The following TOM1 variants were observed in gnomAD, a reference collection of about 807,000 sequenced individuals.
TOM1 encodes the protein target of myb1 membrane trafficking protein.
Under a neutral mutation model 61.3 loss-of-function variants are expected in TOM1, and 38 were observed. That is an observed-to-expected ratio of 0.62 (90% confidence interval 0.48 to 0.81). The LOEUF (loss-of-function observed/expected upper bound fraction) is 0.81. TOM1 is among the 40% of genes least tolerant of loss of function. TOM1 has a pLI of 0.00. For missense variants in TOM1, 591 were observed against 659.6 expected, an observed-to-expected ratio of 0.90 and a Z score of 1.14; for synonymous variants, 270 against 268.8, an observed-to-expected ratio of 1.00 and a Z score of -0.04.
chr22:35,326,197 C>T (rs1343938246), intron 6 of TOM1, among the ~76,000 whole-genome samples: 1 of 152,182 alleles, frequency 6.6e-6, no homozygotes, highest in Non-Finnish European at 1.5e-5. Flanking sequence ...TATAGTGACA[C>T]TCTGAAATCA....
intron 1 of TOM1, among the ~76,000 whole-genome samples, chr22:35,304,774 G>A (rs138750): frequency 0.51 from 77,988 of 151,940 alleles, 22,814 homozygotes; most frequent in Non-Finnish European, 0.65. Context: ...CACTGCACCC[G>A]GCCTACTGGC....
At chr22:35,322,952 G>T (rs778540391) in intron 3 of TOM1, 76 bp from the exon 4 acceptor site, 2 of 1,559,530 alleles carry the variant, frequency 1.3e-6, no homozygotes, top group East Asian at 2.3e-5. Flanking sequence ...GACACAGGAG[G>T]AGCCACGAGG....
intron 2 of TOM1, among the ~76,000 whole-genome samples, chr22:35,321,510 C>T (rs749080184): frequency 1.3e-5 from 2 of 151,962 alleles, no homozygotes; most frequent in East Asian, 1.9e-4. Context: ...GCGATTCTCC[C>T]GCCTCAACCT....
In TOM1 at chr22:35,323,062, G is replaced by A. The variant is rs11558473; in HGVS notation, c.251G>A (p.Arg84His). ...ACCTGTGTCAAGAACTGCGGGCACC[G>A]CTTCCACGTGCTGGTGGCCAGCCAG... Reference protein sequence around the residue: ...LETCVKNCGHRFHVLVASQDF... With the variant: ...LETCVKNCGHHFHVLVASQDF... The change falls in exon 4 of 15, where the codon CGC (arginine) becomes CAC (histidine). Residue 84 changes from arginine (R) to histidine (H), a missense_variant. Coordinates refer to ENST00000449058, the MANE Select transcript of TOM1 (RefSeq NM_005488.3). This position sits in a 1 kb window ranked among gnomAD's most constrained non-coding sequence, Gnocchi z 4.2. The A allele has an allele frequency of 4.0e-5, 65 of 1,614,018 alleles. No homozygotes were observed. The highest frequency in any genetic ancestry group is 1.6e-4 in the Middle Eastern group (1 of 6,084).
At chr22:35,316,874 G>A (rs1489957818) in intron 1 of TOM1, among the ~76,000 whole-genome samples, 1 of 152,176 alleles carries the variant, frequency 6.6e-6, no homozygotes, top group Admixed American at 6.5e-5. Flanking sequence ...ATACCTTACT[G>A]TGCTGGTACC....
At chr22:35,300,193 A>T (rs558761269) in intron 1 of TOM1, among the ~76,000 whole-genome samples, 1 of 152,252 alleles carries the variant, frequency 6.6e-6, no homozygotes, top group Non-Finnish European at 1.5e-5. Context: ...GATGTATATG[A>T]CAGCCAGTAG....
chr22:35,310,216 T>C (rs1412424764), intron 1 of TOM1, among the ~76,000 whole-genome samples: 5 of 151,960 alleles, frequency 3.3e-5, no homozygotes, highest in Non-Finnish European at 7.4e-5. Context: ...TGGTCACAGG[T>C]CCTGAGGATG....
intron 12 of TOM1, among the ~76,000 whole-genome samples, chr22:35,339,965 T>G (rs1354369887): frequency 6.6e-6 from 1 of 152,072 alleles, no homozygotes; most frequent in East Asian, 1.9e-4. Flanking sequence ...GCTCTTTGAA[T>G]TCCGTTTAGT....
rs186173614 is a variant in TOM1 at position 35,305,967 on chromosome 22, C to T, written c.52+5987C>T. ...GCCAGATAGTAAATACTTGTGGCTT[C>T]GTGAACCAGATGGTCTCTGCTGCAA... On this transcript the variant is annotated intron_variant, in intron 1 of 14. Transcript: ENST00000449058. Among the ~76,000 whole-genome samples, 9 of 152,210 alleles carry T rather than the reference C, an allele frequency of 5.9e-5. No homozygotes were observed. In the East Asian group the frequency reaches 1.4e-3, roughly 23 times the overall value.
At chr22:35,301,033 G>C (rs1381654490) in intron 1 of TOM1, among the ~76,000 whole-genome samples, 2 of 140,398 alleles carry the variant, frequency 1.4e-5, no homozygotes, top group African/African-American at 5.5e-5. Flanking sequence ...GCAACATGGC[G>C]AGACCCCGTC....
In TOM1 at chr22:35,323,213, G is replaced by C. The variant is rs369720490; in HGVS notation, c.366+36G>C. 9 of 1,608,614 alleles carry C rather than the reference G, an allele frequency of 5.6e-6. No individual in the cohort carries two copies. The highest frequency in any genetic ancestry group is 7.6e-6 in the Non-Finnish European group (9 of 1,179,410). The stretch of plus-strand genomic sequence containing the variant: ...GGACAGGGCAGGGCACGGCCAGGAA[G>C]AGCTGTCAGTGCAGGAGCTTCCTGC... On this transcript the variant is annotated intron_variant, in intron 4 of 14. Transcript: ENST00000449058. The surrounding 1 kb of genome is among the most constrained non-coding windows in gnomAD (Gnocchi z 4.2).
chr22:35,313,509 A>G (rs1014491537), intron 1 of TOM1, among the ~76,000 whole-genome samples: 1 of 152,140 alleles, frequency 6.6e-6, no homozygotes, highest in Non-Finnish European at 1.5e-5. Flanking sequence ...TGTCATACTG[A>G]CATTGTCTGG....
In TOM1 at chr22:35,330,480, G is replaced by C; in HGVS notation, c.899G>C (p.Arg300Pro). The change falls in exon 8 of 15, where the codon CGG becomes CCG. Residue 300 changes from arginine to proline, a missense_variant and splice_region_variant. Coordinates refer to ENST00000449058, the MANE Select transcript of TOM1 (RefSeq NM_005488.3). ...NLNNVFLRHE[R>P]FERFRTGQTT... ...AACAATGTGTTCCTGCGCCATGAACGGTAGCCCCAGCACCTCCCCTGGCCT... is the reference window on the plus strand; with the variant it reads ...AACAATGTGTTCCTGCGCCATGAACCGTAGCCCCAGCACCTCCCCTGGCCT... 1 of 1,609,240 alleles carries C rather than the reference G, an allele frequency of 6.2e-7. No homozygotes were observed. Among genetic ancestry groups the C allele is most frequent in the Non-Finnish European group, 8.5e-7 (1 of 1,177,582 alleles).
rs746325920 is a variant in TOM1, at chr22:35,327,326, C to T, written c.704C>T (p.Ser235Leu). ...GTGAGTGGGAACGTGAGGGTGATGT[C>T]GGAGATGCTGACGGAGCTGGTGCCC... ...EMVSGNVRVM[S>L]EMLTELVPTQ... The change falls in exon 7 of 15, where the codon TCG becomes TTG. Residue 235 changes from serine to leucine, a missense_variant. Transcript: ENST00000449058. 1.8e-5 allele frequency: 29 copies of T among 1,613,852 alleles called. No individual in the cohort carries two copies. Among genetic ancestry groups the T allele is most frequent in the East Asian group, 6.7e-5 (3 of 44,892 alleles).
At chr22:35,342,750 T>TAC (rs1017099633) in intron 12 of TOM1, among the ~76,000 whole-genome samples, 27 of 143,650 alleles carry the variant, frequency 1.9e-4, no homozygotes, top group African/African-American at 6.5e-4. Context: ...CCCATAGACC[T>TAC]ACACACACAC....
rs1431759133 is a variant in TOM1, at chr22:35,333,410, A to G, written c.940A>G (p.Ser314Gly). The G allele has an allele frequency of 2.5e-6, 4 of 1,613,916 alleles. No individual in the cohort carries two copies. Among genetic ancestry groups the G allele is most frequent in the Non-Finnish European group, 2.5e-6 (3 of 1,179,918 alleles). ...GCATCTCCCTTCCCACCAGGCCCCA[A>G]GTGAGGCCGAGCCGGCAGCTGACCT... ...FRTGQTTKAP[S>G]EAEPAADLID... The change falls in exon 10 of 15, where the codon AGT becomes GGT. Residue 314 changes from serine to glycine, a missense_variant. Ser to Gly is a moderately conservative substitution (Grantham distance 56). Coordinates refer to ENST00000449058, the MANE Select transcript of TOM1 (RefSeq NM_005488.3).
At chr22:35,343,714 C>CCACA (rs201859071) in intron 12 of TOM1, among the ~76,000 whole-genome samples, 1 of 145,530 alleles carries the variant, frequency 6.9e-6, no homozygotes, top group African/African-American at 2.6e-5. Context: ...TACACACACA[C>CCACA]CACACACACA....
intron 2 of TOM1, chr22:35,321,638 A>T (rs1379979738): frequency 8.9e-5 from 41 of 462,036 alleles, no homozygotes; most frequent in Non-Finnish European, 1.7e-4. Flanking sequence ...GCCTCAAGTG[A>T]TCCACCTGCC....
At chr22:35,301,357 C>G (rs1234197330) in intron 1 of TOM1, among the ~76,000 whole-genome samples, 1 of 152,132 alleles carries the variant, frequency 6.6e-6, no homozygotes, top group Non-Finnish European at 1.5e-5. Context: ...CCTGAGATCA[C>G]CAAGTGAAGG....
Sources: gnomAD v4.1 joint callset for allele counts (sites outside exome capture counted in the v4.1 genomes callset) on GRCh38, gnomAD v4.1.1 for gene constraint, Gnocchi (gnomAD v3.1) non-coding constraint, MANE v1.5 for transcripts, NCBI Gene and HGNC (gene_info 2026-07-23, HGNC 2026-07-21) for gene names.